KCTD8: variants seen among roughly 807,000 people sequenced by gnomAD.
KCTD8 encodes the protein BTB/POZ domain-containing protein KCTD8.
In KCTD8, 27 loss-of-function variants were observed where a neutral mutation model predicts 31.5. The ratio of observed to expected loss-of-function variants is 0.86; its 90% CI spans 0.63 to 1.18. The LOEUF (loss-of-function observed/expected upper bound fraction) is 1.18. KCTD8 is among the 50% of genes most tolerant of loss of function. The pLI, the probability that KCTD8 is intolerant of heterozygous loss-of-function variation, is 0.00. For synonymous variants in KCTD8, 290 were observed against 280.0 expected (o/e 1.04, Z -0.36); for missense variants, 658 against 647.7 (o/e 1.02, Z -0.17).
chr4:44,436,629 G>T (rs1288475626), intron 1 of KCTD8, among the ~76,000 whole-genome samples: 1 of 151,920 alleles, frequency 6.6e-6, no homozygotes, highest in Non-Finnish European at 1.5e-5. Flanking sequence ...AAGTATGTAG[G>T]GGTGAAATAA....
intron 1 of KCTD8, among the ~76,000 whole-genome samples, chr4:44,347,886 G>A (rs1236405876): frequency 1.3e-5 from 2 of 151,996 alleles, no homozygotes; most frequent in South Asian, 4.2e-4. Context: ...ACATTTATAG[G>A]GAAAAAATGT....
At chr4:44,342,681 CT>C (rs1293057030) in intron 1 of KCTD8, among the ~76,000 whole-genome samples, 1 of 152,210 alleles carries the variant, frequency 6.6e-6, no homozygotes, top group East Asian at 1.9e-4. Context: ...ATGGTATCTC[CT>C]TCCAATAGAA....
chr4:44,398,094 C>T (rs17599994), intron 1 of KCTD8, among the ~76,000 whole-genome samples: 41,438 of 152,040 alleles, frequency 0.27, 5,894 homozygotes, highest in East Asian at 0.39. Context: ...AGTCAGAAAT[C>T]ATTTTGTAAG....
chr4:44,323,660 A>T (rs1718363122), intron 1 of KCTD8, among the ~76,000 whole-genome samples: 1 of 151,806 alleles, frequency 6.6e-6, no homozygotes, highest in Non-Finnish European at 1.5e-5. Context: ...AAAAATGAAA[A>T]ATTACTTTCA....
At chr4:44,322,965 C>T (rs970963020) in intron 1 of KCTD8, among the ~76,000 whole-genome samples, 2 of 151,928 alleles carry the variant, frequency 1.3e-5, no homozygotes, top group Non-Finnish European at 1.5e-5. Flanking sequence ...TATGCCAGTA[C>T]CATGCTATTT....
chr4:44,283,127 G>A (rs1018145849), intron 1 of KCTD8, among the ~76,000 whole-genome samples: 5 of 151,146 alleles, frequency 3.3e-5, no homozygotes, highest in Admixed American at 1.3e-4. Context: ...TCAGCTCACT[G>A]CAACCTCCGC....
chr4:44,287,606 C>T (rs541611171), intron 1 of KCTD8, among the ~76,000 whole-genome samples: 1 of 152,282 alleles, frequency 6.6e-6, no homozygotes, highest in Non-Finnish European at 1.5e-5. Context: ...AAATCTACCT[C>T]CTGGAGTATT....
chr4:44,246,008 A>C (rs1194598307), intron 1 of KCTD8, among the ~76,000 whole-genome samples: 5 of 152,108 alleles, frequency 3.3e-5, no homozygotes, highest in Non-Finnish European at 7.4e-5. Flanking sequence ...ATCTTCTATT[A>C]GTTAGCAGTG....
intron 1 of KCTD8, among the ~76,000 whole-genome samples, chr4:44,292,387 C>G (rs1011154070): frequency 6.6e-6 from 1 of 152,034 alleles, no homozygotes; most frequent in Non-Finnish European, 1.5e-5. Flanking sequence ...AAACTAAATA[C>G]CACATGTTCT....
intron 1 of KCTD8, among the ~76,000 whole-genome samples, chr4:44,435,066 T>A (rs996062890): frequency 1.3e-5 from 2 of 152,044 alleles, no homozygotes; most frequent in African/African-American, 4.8e-5. Context: ...TCAACTTGTA[T>A]CTTACCTAAA....
At chr4:44,229,988 G>C (rs1382864397) in intron 1 of KCTD8, among the ~76,000 whole-genome samples, 1 of 151,730 alleles carries the variant, frequency 6.6e-6, no homozygotes, top group East Asian at 1.9e-4. Context: ...CCCCCTGACA[G>C]GCCCTGGTGT....
intron 1 of KCTD8, among the ~76,000 whole-genome samples, chr4:44,242,280 T>TA (rs1356298715): frequency 6.6e-6 from 1 of 152,200 alleles, no homozygotes; most frequent in African/African-American, 2.4e-5. Context: ...GCAAAGAAGT[T>TA]AAAAAACTTG....
intron 1 of KCTD8, among the ~76,000 whole-genome samples, chr4:44,246,376 T>C (rs572035013): frequency 2.0e-5 from 3 of 152,164 alleles, no homozygotes; most frequent in African/African-American, 7.2e-5. Context: ...TTTCTTCTTG[T>C]TTCCTATTAG....
In KCTD8 at chr4:44,340,104, C is replaced by T. The variant is rs182278921; in HGVS notation, c.961+107459G>A. 2.7e-3 allele frequency among the ~76,000 whole-genome samples: 405 copies of T among 151,418 alleles called. 1 individual carries two copies. The highest frequency in any genetic ancestry group is 0.01 in the Middle Eastern group (3 of 294). Reference sequence around the variant, plus strand: ...AAATATGTAAAAGGGTGTGGAGAAACAGAAACTCCTATATGTACAGCCACT... The same window carrying T: ...AAATATGTAAAAGGGTGTGGAGAAATAGAAACTCCTATATGTACAGCCACT... On this transcript the variant is annotated intron_variant, in intron 1 of 1. Coordinates refer to ENST00000360029, the MANE Select transcript of KCTD8 (RefSeq NM_198353.3).
At chr4:44,345,025 T>G (rs1372707246) in intron 1 of KCTD8, among the ~76,000 whole-genome samples, 1 of 152,158 alleles carries the variant, frequency 6.6e-6, no homozygotes, top group Non-Finnish European at 1.5e-5. Flanking sequence ...CTTCACTGCC[T>G]TTCCTATGCC....
chr4:44,256,113 G>GACTT (rs1301932585), intron 1 of KCTD8, among the ~76,000 whole-genome samples: 1 of 151,834 alleles, frequency 6.6e-6, no homozygotes, highest in Non-Finnish European at 1.5e-5. Flanking sequence ...GATCTTGTGA[G>GACTT]ACTTACTACC....
chr4:44,315,640 G>T (rs537198879), intron 1 of KCTD8, among the ~76,000 whole-genome samples: 1 of 152,042 alleles, frequency 6.6e-6, no homozygotes, highest in South Asian at 2.1e-4. Flanking sequence ...TTTTCACAGA[G>T]TAAATATACA....
intron 1 of KCTD8, among the ~76,000 whole-genome samples, chr4:44,201,858 T>C (rs1714161348): frequency 6.6e-6 from 1 of 152,042 alleles, no homozygotes; most frequent in Non-Finnish European, 1.5e-5. Context: ...GTAAACAGTC[T>C]ATGGAATAGG....
chr4:44,400,152 T>C (rs1173934829), intron 1 of KCTD8, among the ~76,000 whole-genome samples: 1 of 152,196 alleles, frequency 6.6e-6, no homozygotes, highest in Non-Finnish European at 1.5e-5. Context: ...AGGCTAAAAT[T>C]TTCTCAGAGT....
Sources: allele counts gnomAD v4.1 joint callset (sites outside exome capture counted in the v4.1 genomes callset), GRCh38; gene constraint gnomAD v4.1.1; transcripts MANE v1.5; gene names NCBI Gene and HGNC (gene_info 2026-07-23, HGNC 2026-07-21).